The following SNX29 variants were observed in gnomAD, a reference collection of about 807,000 sequenced individuals.
SNX29 encodes the protein sorting nexin-29.
SNX29 carries 78 observed loss-of-function variants against 102.1 expected under a neutral mutation model. The ratio of observed to expected loss-of-function variants is 0.76; its 90% CI spans 0.64 to 0.92. SNX29 has a LOEUF of 0.92. SNX29 is among the 40% of genes least tolerant of loss of function. The probability of loss-of-function intolerance (pLI) is 0.00; values close to 1 mark genes in which losing one functional copy is unlikely to be tolerated. For synonymous variants in SNX29, 580 were observed against 414.5 expected (o/e 1.40, Z -4.85); for missense variants, 1,280 against 1,061.7 (o/e 1.21, Z -2.86).
At chr16:12,281,492 C>T in intron 15 of SNX29, among the ~76,000 whole-genome samples, 1 of 152,120 alleles carries the variant, frequency 6.6e-6, no homozygotes, top group East Asian at 1.9e-4. Context: ...GTTCCTGACA[C>T]CCTGTGGTTG....
At chr16:12,518,935 A>G (rs959072883) in intron 19 of SNX29, among the ~76,000 whole-genome samples, 1 of 152,168 alleles carries the variant, frequency 6.6e-6, no homozygotes, top group African/African-American at 2.4e-5. Flanking sequence ...AGCCTCTGGG[A>G]TGCATTTCTG....
chr16:12,325,602 A>G (rs1250351653), intron 15 of SNX29, among the ~76,000 whole-genome samples: 2 of 152,220 alleles, frequency 1.3e-5, no homozygotes, highest in East Asian at 3.8e-4. Flanking sequence ...TTAATTAAAT[A>G]TTTGGAAGCA....
chr16:12,552,522 C>G (rs368385578), intron 20 of SNX29, among the ~76,000 whole-genome samples: 10 of 152,264 alleles, frequency 6.6e-5, no homozygotes, highest in African/African-American at 2.4e-4. Flanking sequence ...CCAAATGGGC[C>G]TTCATTTCTC....
Position 12,516,481 on chromosome 16 carries a change from G to GAAAA in SNX29, c.2179-8205_2179-8202dup, listed in dbSNP as rs5815691. Reference sequence around the variant, plus strand: ...GGCAACAGAGAGATATCCCGTCTCAGAAAAAAAAAAAAAAAAAAAGGTGCA... The same window carrying GAAAA: ...GGCAACAGAGAGATATCCCGTCTCAGAAAAAAAAAAAAAAAAAAAAAAAGGTGCA... On this transcript the variant is annotated intron_variant, in intron 19 of 20. Transcript: ENST00000566228. Among the ~76,000 whole-genome samples, 172 of 109,522 alleles carry GAAAA rather than the reference G, an allele frequency of 1.6e-3. 3 individuals are homozygous for GAAAA. Among genetic ancestry groups the GAAAA allele is most frequent in the African/African-American group, 5.8e-3 (161 of 27,826 alleles). 71.9% of individuals were successfully genotyped at this position (109,522 alleles called of 152,430 possible).
At chr16:12,312,731 A>G (rs2080600388) in intron 15 of SNX29, among the ~76,000 whole-genome samples, 1 of 151,968 alleles carries the variant, frequency 6.6e-6, no homozygotes, top group Admixed American at 6.6e-5. Flanking sequence ...TAAACAATTT[A>G]TAGGCCAAAT....
chr16:12,456,887 C>T (rs1009188210), intron 18 of SNX29, among the ~76,000 whole-genome samples: 2 of 152,122 alleles, frequency 1.3e-5, no homozygotes, highest in Non-Finnish European at 2.9e-5. Flanking sequence ...TCTGAACTCC[C>T]AGAAGGCCCG....
At chr16:12,437,382 T>C (rs1331696447) in intron 18 of SNX29, among the ~76,000 whole-genome samples, 1 of 152,188 alleles carries the variant, frequency 6.6e-6, no homozygotes, top group Non-Finnish European at 1.5e-5. Context: ...CCCTGTCTCA[T>C]AGCGGGGAGA....
intron 16 of SNX29, among the ~76,000 whole-genome samples, chr16:12,367,795 C>G (rs1435844823): frequency 6.6e-6 from 1 of 152,220 alleles, no homozygotes; most frequent in Non-Finnish European, 1.5e-5. Flanking sequence ...TTGGACATCC[C>G]TGTTTTAATC....
rs1452166516 is a variant in SNX29, at chr16:12,570,732, G to T, written c.*2103G>T. ...CAGGATGTGAATTGGTCTCTCTCCA[G>T]ATACCCCACGAGGAAGCACCTTGGA... On this transcript the variant is annotated 3_prime_UTR_variant, in exon 21 of 21. Coordinates refer to ENST00000566228, the MANE Select transcript of SNX29 (RefSeq NM_032167.5). 1 of 232,358 alleles carries T rather than the reference G, an allele frequency of 4.3e-6. No individual in the cohort carries two copies. Among genetic ancestry groups the T allele is most frequent in the East Asian group, 6.1e-5 (1 of 16,416 alleles). 14.4% of individuals were successfully genotyped at this position (232,358 alleles called of 1,614,324 possible).
intron 18 of SNX29, among the ~76,000 whole-genome samples, chr16:12,439,118 C>T (rs2085677698): frequency 6.6e-6 from 1 of 152,206 alleles, no homozygotes; most frequent in Non-Finnish European, 1.5e-5. Flanking sequence ...CAGTCTTTCC[C>T]AGAGGCCCTC....
chr16:12,061,402 C>T (rs1390734796), intron 8 of SNX29, 126 bp from the exon 9 acceptor site: 1 of 711,924 alleles, frequency 1.4e-6, no homozygotes, highest in Non-Finnish European at 2.4e-6. Context: ...CAGCCCACAC[C>T]TCCTTCTGTT....
intron 10 of SNX29, among the ~76,000 whole-genome samples, chr16:12,073,543 T>C (rs554971836): frequency 5.9e-4 from 89 of 152,044 alleles, no homozygotes; most frequent in Admixed American, 1.5e-3. Context: ...GAGACTGTTA[T>C]AATTTCTGTT....
At chr16:11,995,989 G>C (rs1255969409) in intron 1 of SNX29, among the ~76,000 whole-genome samples, 1 of 151,818 alleles carries the variant, frequency 6.6e-6, no homozygotes, top group East Asian at 1.9e-4. Context: ...GAACCTGGGA[G>C]GTGGAGGTTG....
At chr16:12,536,668 A>T (rs975207424) in intron 20 of SNX29, among the ~76,000 whole-genome samples, 8 of 152,142 alleles carry the variant, frequency 5.3e-5, no homozygotes, top group African/African-American at 1.9e-4. Flanking sequence ...AGATCCAGGG[A>T]AGAGCTGGTA....
intron 15 of SNX29, among the ~76,000 whole-genome samples, chr16:12,348,454 C>T (rs2081889832): frequency 1.3e-5 from 2 of 152,228 alleles, no homozygotes; most frequent in Admixed American, 1.3e-4. Flanking sequence ...GATGTGGGAG[C>T]AGCCAGAGCC....
intron 15 of SNX29, among the ~76,000 whole-genome samples, chr16:12,325,552 G>A (rs1216043392): frequency 2.6e-5 from 4 of 152,166 alleles, no homozygotes; most frequent in Non-Finnish European, 4.4e-5. Context: ...CTTCCAACCT[G>A]TGGCCCATTG....
intron 16 of SNX29, among the ~76,000 whole-genome samples, chr16:12,379,422 C>T (rs902150400): frequency 1.3e-5 from 2 of 152,200 alleles, no homozygotes; most frequent in Non-Finnish European, 1.5e-5. Flanking sequence ...TATTCCCAGC[C>T]ATTTTCCTTT....
At chr16:12,052,274 T>C (rs1358890740) in intron 8 of SNX29, 52 bp downstream of exon 8, 1 of 1,600,258 alleles carries the variant, frequency 6.2e-7, no homozygotes, top group Non-Finnish European at 8.5e-7. Context: ...TGGAGTGCCG[T>C]GGCGTGATCT....
At chr16:12,100,657 G>A (rs2052973296) in intron 11 of SNX29, among the ~76,000 whole-genome samples, 1 of 147,594 alleles carries the variant, frequency 6.8e-6, no homozygotes, top group African/African-American at 2.5e-5. Flanking sequence ...TTGGCAGAGG[G>A]AACGGCCAGG....
Sources: gnomAD v4.1 joint callset for allele counts (sites outside exome capture counted in the v4.1 genomes callset) on GRCh38, gnomAD v4.1.1 for gene constraint, MANE v1.5 for transcripts, NCBI Gene and HGNC (gene_info 2026-07-23, HGNC 2026-07-21) for gene names.